Variants in RNF144A observed in about 807,000 individuals in gnomAD.
The protein encoded by RNF144A is ring finger protein 144A.
A neutral mutation model predicts 38.7 loss-of-function variants in RNF144A; 11 were observed. The ratio of observed to expected loss-of-function variants is 0.28; its 90% CI spans 0.18 to 0.47. The LOEUF is 0.47. Among genes scored for constraint, RNF144A ranks in the 20% least tolerant of loss-of-function variants. The pLI is 0.99. For synonymous variants in RNF144A, 149 were observed against 143.9 expected, an observed-to-expected ratio of 1.04 and a Z score of -0.25; for missense variants, 316 against 377.2, an observed-to-expected ratio of 0.84 and a Z score of 1.34.
At position 7,042,764 on chromosome 2, in the gene RNF144A, G is replaced by C; in HGVS notation, c.*3004G>C. On this transcript the variant is annotated 3_prime_UTR_variant, in exon 9 of 9. Transcript: ENST00000320892. ...AGACTGACTTAGGATCTGAGATAAA[G>C]CATCGGATTGCAGGAATAACTGTCC... 1.0e-6 allele frequency: 1 copy of C among 985,488 alleles called. No homozygotes were observed. The highest frequency in any genetic ancestry group is 4.7e-5 in the South Asian group (1 of 21,292). 61.0% of individuals were successfully genotyped at this position (985,488 alleles called of 1,614,324 possible). A position where few individuals can be genotyped will look rare whatever the true frequency, so the allele number is the denominator to read the frequency against.
At chr2:6,978,471 C>G (rs1668439735) in intron 2 of RNF144A, among the ~76,000 whole-genome samples, 1 of 152,162 alleles carries the variant, frequency 6.6e-6, no homozygotes. Context: ...GGTAAAAACC[C>G]AAGTTCGAAC....
intron 6 of RNF144A, among the ~76,000 whole-genome samples, chr2:7,055,770 C>T (rs1320102709): frequency 6.6e-6 from 1 of 152,100 alleles, no homozygotes; most frequent in Non-Finnish European, 1.5e-5. Context: ...ACTGAAAATC[C>T]CAGGTTTTTT....
intron 1 of RNF144A, among the ~76,000 whole-genome samples, chr2:6,935,247 A>G (rs907088426): frequency 2.0e-5 from 3 of 152,206 alleles, no homozygotes; most frequent in East Asian, 3.8e-4. Context: ...GGCCATTTCA[A>G]AACTAGATCC....
At chr2:7,002,555 G>T (rs1447689662) in intron 3 of RNF144A, among the ~76,000 whole-genome samples, 3 of 152,144 alleles carry the variant, frequency 2.0e-5, no homozygotes, top group Admixed American at 6.5e-5. Flanking sequence ...GGGGCATGAT[G>T]GGTCCAGATT....
chr2:6,947,591 A>G (rs1201883701), intron 2 of RNF144A, among the ~76,000 whole-genome samples: 1 of 152,344 alleles, frequency 6.6e-6, no homozygotes, highest in East Asian at 1.9e-4. Context: ...CTTATTTTTT[A>G]AAAGGCAATA....
Position 7,042,176 on chromosome 2 carries a change from A to G in RNF144A, c.*2416A>G. 4 of 985,206 alleles carry G rather than the reference A, an allele frequency of 4.1e-6. No individual in the cohort carries two copies. Among genetic ancestry groups the G allele is most frequent in the Non-Finnish European group, 4.8e-6 (4 of 829,734 alleles). 61.0% of individuals were successfully genotyped at this position (985,206 alleles called of 1,614,324 possible). A position where few individuals can be genotyped will look rare whatever the true frequency, so the allele number is the denominator to read the frequency against. On this transcript the variant is annotated 3_prime_UTR_variant, in exon 9 of 9. Coordinates refer to ENST00000320892, the MANE Select transcript of RNF144A (RefSeq NM_014746.6). ...ATCACTCTGAGATACATAAACTCGC[A>G]TTTCCTTCTGTTTTAGTAAGGAGTG... is the stretch of plus-strand genomic sequence containing the variant.
chr2:6,956,366 A>G (rs1166296920), intron 2 of RNF144A, among the ~76,000 whole-genome samples: 1 of 152,200 alleles, frequency 6.6e-6, no homozygotes, highest in Non-Finnish European at 1.5e-5. Context: ...GTAGCCCAAC[A>G]AGAGAGTCAG....
At chr2:7,039,589 C>G (rs565848989) in intron 8 of RNF144A, 40 bp from the exon 9 acceptor site, 1 of 1,609,778 alleles carries the variant, frequency 6.2e-7, no homozygotes, top group East Asian at 2.2e-5. Flanking sequence ...ACCTACAGAC[C>G]AGCCCTCCTT....
intron 3 of RNF144A, among the ~76,000 whole-genome samples, chr2:7,007,054 C>T (rs1162611537): frequency 1.3e-5 from 2 of 152,158 alleles, no homozygotes; most frequent in African/African-American, 2.4e-5. Context: ...AACCCTGCCC[C>T]TTCCCACCTG....
intron 6 of RNF144A, among the ~76,000 whole-genome samples, chr2:7,053,590 A>G (rs1572485794): frequency 6.6e-6 from 1 of 152,244 alleles, no homozygotes; most frequent in African/African-American, 2.4e-5. Context: ...GACTGCCTAC[A>G]GTTCCATGCC....
At position 7,043,717 on chromosome 2, in the gene RNF144A, A is replaced by T. The variant is rs892394962; in HGVS notation, c.*3957A>T. 8 of 985,738 alleles carry T rather than the reference A, an allele frequency of 8.1e-6. No individual in the cohort carries two copies. Among genetic ancestry groups the T allele is most frequent in the African/African-American group, 1.7e-5 (1 of 57,288 alleles). The allele number at this position is 985,738 out of a possible 1,614,324, so 61.1% of individuals were successfully genotyped here. ...AGCATGCCGTCTTGATGTTTAAAAA[A>T]CCCAGGGTCTCCACCCTTCCTTTGA... On this transcript the variant is annotated 3_prime_UTR_variant, in exon 9 of 9. Transcript: ENST00000320892.
chr2:7,001,726 C>T (rs965223681), intron 3 of RNF144A, among the ~76,000 whole-genome samples: 2 of 152,216 alleles, frequency 1.3e-5, no homozygotes, highest in East Asian at 1.9e-4. Flanking sequence ...GAATCTTTCC[C>T]GTGCAATGCA....
At chr2:7,072,956 C>T (rs1377904674), downstream of RNF144A, among the ~76,000 whole-genome samples, 1 of 152,224 alleles carries the variant, frequency 6.6e-6, no homozygotes, top group East Asian at 1.9e-4. Flanking sequence ...TGCAGCCTTA[C>T]ACTCCTCATG....
At chr2:7,021,659 T>C (rs1237524157) in intron 6 of RNF144A, among the ~76,000 whole-genome samples, 10 of 152,228 alleles carry the variant, frequency 6.6e-5, no homozygotes, top group Non-Finnish European at 1.5e-4. Context: ...CCTGAGATTC[T>C]CTGCATTGAT....
the RNF144A span, among the ~76,000 whole-genome samples, chr2:7,073,965 G>A: frequency 1.3e-5 from 2 of 152,188 alleles, no homozygotes; most frequent in African/African-American, 2.4e-5. Context: ...ACAGAGCAGC[G>A]TGTGTTCGTT....
chr2:7,049,582 A>G (rs1187001894), intron 6 of RNF144A, among the ~76,000 whole-genome samples: 1 of 152,246 alleles, frequency 6.6e-6, no homozygotes, highest in Non-Finnish European at 1.5e-5. Context: ...CACGAAAATG[A>G]GGTTGCAGTC....
At chr2:6,934,169 G>A (rs1016891357) in intron 1 of RNF144A, among the ~76,000 whole-genome samples, 1 of 152,168 alleles carries the variant, frequency 6.6e-6, no homozygotes, top group Non-Finnish European at 1.5e-5. Flanking sequence ...ACAGTATTGG[G>A]TTTTTATTCA....
intron 8 of RNF144A, among the ~76,000 whole-genome samples, chr2:7,037,031 C>T (rs1382154909): frequency 1.3e-5 from 2 of 152,180 alleles, no homozygotes; most frequent in African/African-American, 2.4e-5. Flanking sequence ...TTTGCCAGTA[C>T]GAACGAAGCT....
intron 8 of RNF144A, among the ~76,000 whole-genome samples, chr2:7,032,459 T>C (rs1315500716): frequency 2.0e-5 from 3 of 152,262 alleles, no homozygotes; most frequent in African/African-American, 7.2e-5. Flanking sequence ...ATGTATTGGC[T>C]CAGTCCTGGA....
Sources: allele counts gnomAD v4.1 joint callset (sites outside exome capture counted in the v4.1 genomes callset), GRCh38; gene constraint gnomAD v4.1.1; transcripts MANE v1.5; gene names NCBI Gene and HGNC (gene_info 2026-07-23, HGNC 2026-07-21).